The following TRHDE variants were observed in gnomAD, a reference collection of about 807,000 sequenced individuals.
TRHDE encodes the protein thyrotropin-releasing hormone-degrading ectoenzyme.
Under a neutral mutation model 125.7 loss-of-function variants are expected in TRHDE, and 72 were observed. The observed-to-expected ratio is 0.57, with a 90% CI of 0.47 to 0.70. The LOEUF (loss-of-function observed/expected upper bound fraction) is 0.70. TRHDE is among the 30% of genes least tolerant of loss of function. The probability of loss-of-function intolerance (pLI) is 0.00; values close to 1 mark genes in which losing one functional copy is unlikely to be tolerated. For synonymous variants in TRHDE, 509 were observed against 509.1 expected (o/e 1.00, Z 0.00); for missense variants, 1,110 against 1,327.1 (o/e 0.84, Z 2.54).
intron 2 of TRHDE, among the ~76,000 whole-genome samples, chr12:72,371,395 TTTATTA>T (rs201192095): frequency 6.6e-6 from 1 of 151,212 alleles, no homozygotes; most frequent in Admixed American, 6.6e-5. Flanking sequence ...TTTATTTATT[TTTATTA>T]TTATTATACT....
intron 12 of TRHDE, among the ~76,000 whole-genome samples, chr12:72,611,955 G>A (rs192114404): frequency 5.3e-5 from 8 of 152,252 alleles, no homozygotes; most frequent in African/African-American, 1.4e-4. Context: ...TGCATTTTCT[G>A]ATAGACAAAA....
chr12:72,464,476 A>G (rs11179220), intron 3 of TRHDE, among the ~76,000 whole-genome samples: 13,429 of 152,164 alleles, frequency 0.088, 719 homozygotes, highest in African/African-American at 0.14. Context: ...CACATGGCAG[A>G]AGAGACCCAC....
At chr12:72,447,642 A>C (rs1050260639) in intron 3 of TRHDE, among the ~76,000 whole-genome samples, 6 of 152,036 alleles carry the variant, frequency 3.9e-5, no homozygotes, top group African/African-American at 1.4e-4. Context: ...ATCCTAGTCT[A>C]TCTCGGGTAT....
intron 2 of TRHDE, among the ~76,000 whole-genome samples, chr12:72,171,209 G>C (rs766899606): frequency 1.3e-5 from 2 of 151,866 alleles, no homozygotes; most frequent in Non-Finnish European, 2.9e-5. Context: ...TAGGGATTTA[G>C]GGAAGGAATC....
chr12:72,299,157 T>G (rs915000977), intron 2 of TRHDE, among the ~76,000 whole-genome samples: 3 of 152,186 alleles, frequency 2.0e-5, no homozygotes, highest in Non-Finnish European at 4.4e-5. Flanking sequence ...TATTAATATT[T>G]CTAGGGATGA....
At chr12:72,513,036 A>T (rs1479227248) in intron 6 of TRHDE, among the ~76,000 whole-genome samples, 2 of 152,148 alleles carry the variant, frequency 1.3e-5, no homozygotes, top group African/African-American at 4.8e-5. Flanking sequence ...TTAATCAACC[A>T]TATATGGTAT....
intron 6 of TRHDE, among the ~76,000 whole-genome samples, chr12:72,517,830 T>A (rs1238768143): frequency 1.3e-5 from 2 of 151,848 alleles, no homozygotes; most frequent in African/African-American, 4.8e-5. Flanking sequence ...GTCCCAGAGA[T>A]TCTGGTATGT....
intron 1 of TRHDE, among the ~76,000 whole-genome samples, chr12:72,281,888 A>G (rs1744228537): frequency 6.6e-6 from 1 of 152,192 alleles, no homozygotes; most frequent in African/African-American, 2.4e-5. Flanking sequence ...GAAGAAATCA[A>G]TTCTCTATAT....
rs1293686235 is a variant in TRHDE at position 72,634,693 on chromosome 12, C to G, written c.2675+12942C>G. The stretch of plus-strand genomic sequence containing the variant: ...CAGTCCCCAGAGTGTGATGTTCCCC[C>G]TCCTGTGTCCATGTGTTCTCATTGT... On this transcript the variant is annotated intron_variant, in intron 15 of 18. Coordinates refer to ENST00000261180, the MANE Select transcript of TRHDE (RefSeq NM_013381.3). 7.4e-5 allele frequency among the ~76,000 whole-genome samples: 11 copies of G among 148,720 alleles called. No individual in the cohort carries two copies. In the South Asian group the frequency reaches 8.7e-4, roughly 12 times the overall value.
chr12:72,306,351 G>C (rs1868340987), intron 2 of TRHDE, among the ~76,000 whole-genome samples: 1 of 152,136 alleles, frequency 6.6e-6, no homozygotes, highest in South Asian at 2.1e-4. Context: ...TAAATCACAG[G>C]CTAGTCAATG....
chr12:72,463,741 A>G (rs1446768875), intron 3 of TRHDE, among the ~76,000 whole-genome samples: 2 of 152,208 alleles, frequency 1.3e-5, no homozygotes, highest in Admixed American at 6.5e-5. Flanking sequence ...ACTGTGGCAG[A>G]CAGGAGAGAA....
At chr12:72,276,294 T>C (rs1049781301) in intron 1 of TRHDE, among the ~76,000 whole-genome samples, 1 of 152,220 alleles carries the variant, frequency 6.6e-6, no homozygotes, top group African/African-American at 2.4e-5. Flanking sequence ...TTTTGGTTTT[T>C]AGTTAGATAT....
intron 2 of TRHDE, among the ~76,000 whole-genome samples, chr12:72,240,249 A>G (rs1029940783): frequency 4.0e-5 from 6 of 150,732 alleles, no homozygotes; most frequent in African/African-American, 1.5e-4. Context: ...GCAAGATTAA[A>G]ATCCTACACC....
intron 2 of TRHDE, among the ~76,000 whole-genome samples, chr12:72,181,250 A>G (rs1323576406): frequency 6.6e-6 from 1 of 152,152 alleles, no homozygotes; most frequent in Non-Finnish European, 1.5e-5. Flanking sequence ...GTCATCCTTG[A>G]CTTTTAAAAT....
At chr12:72,598,912 T>C (rs550862083) in intron 12 of TRHDE, among the ~76,000 whole-genome samples, 2 of 152,174 alleles carry the variant, frequency 1.3e-5, no homozygotes, top group South Asian at 4.2e-4. Flanking sequence ...GTCCCAAGTA[T>C]CCATTATTGC....
At chr12:72,345,520 T>C (rs889955216) in intron 2 of TRHDE, among the ~76,000 whole-genome samples, 6 of 152,170 alleles carry the variant, frequency 3.9e-5, no homozygotes, top group African/African-American at 1.4e-4. Flanking sequence ...TTGTTTTCAA[T>C]ATAACTGATT....
intron 2 of TRHDE, among the ~76,000 whole-genome samples, chr12:72,356,487 C>T (rs1288032238): frequency 1.3e-5 from 2 of 150,816 alleles, no homozygotes; most frequent in Admixed American, 6.6e-5. Context: ...CCCTGTGACA[C>T]GAGTTTACCT....
intron 3 of TRHDE, among the ~76,000 whole-genome samples, chr12:72,460,975 A>G (rs1003696085): frequency 6.6e-6 from 1 of 152,192 alleles, no homozygotes; most frequent in African/African-American, 2.4e-5. Flanking sequence ...TGCAATTGAC[A>G]GTAATCAGTA....
intron 5 of TRHDE, among the ~76,000 whole-genome samples, chr12:72,480,793 A>C (rs1877132620): frequency 6.6e-6 from 1 of 152,160 alleles, no homozygotes; most frequent in African/African-American, 2.4e-5. Context: ...CAGTTTGCTA[A>C]AAAACTGTCA....
Sources: allele counts gnomAD v4.1 joint callset (sites outside exome capture counted in the v4.1 genomes callset), GRCh38; gene constraint gnomAD v4.1.1; transcripts MANE v1.5; gene names NCBI Gene and HGNC (gene_info 2026-07-23, HGNC 2026-07-21).